Variants in LRRIQ3 observed in about 807,000 individuals in gnomAD.
The protein encoded by LRRIQ3 is leucine-rich repeat and IQ domain-containing protein 3.
Under a neutral mutation model 59.3 loss-of-function variants are expected in LRRIQ3, and 75 were observed. The ratio of observed to expected loss-of-function variants is 1.26; its 90% confidence interval spans 1.05 to 1.53. LRRIQ3 has a LOEUF of 1.53. Ranked by LOEUF, LRRIQ3 falls within the 40% of genes most tolerant of loss-of-function variation. The probability of loss-of-function intolerance (pLI) is 0.00; values close to 1 mark genes in which losing one functional copy is unlikely to be tolerated. For missense variants in LRRIQ3, 831 were observed against 710.0 expected, an observed-to-expected ratio of 1.17 and a Z score of -1.94; for synonymous variants, 250 against 231.3, an observed-to-expected ratio of 1.08 and a Z score of -0.73.
chr1:74,124,127 AC>A (rs1206190618), intron 4 of LRRIQ3, among the ~76,000 whole-genome samples: 7 of 151,932 alleles, frequency 4.6e-5, no homozygotes, highest in Non-Finnish European at 8.8e-5. Context: ...TATATTGAGC[AC>A]ATTTTCATAT....
intron 7 of LRRIQ3, among the ~76,000 whole-genome samples, chr1:74,028,207 C>T (rs1316716552): frequency 6.6e-6 from 1 of 151,782 alleles, no homozygotes; most frequent in East Asian, 1.9e-4. Flanking sequence ...CAAATTTAGG[C>T]CAGATCATAA....
intron 6 of LRRIQ3, among the ~76,000 whole-genome samples, chr1:74,068,991 A>G (rs1328410598): frequency 6.6e-6 from 1 of 152,044 alleles, no homozygotes; most frequent in African/African-American, 2.4e-5. Flanking sequence ...TTCAGATATA[A>G]GTGGATTTGG....
chr1:74,086,920 T>C (rs975420030), intron 5 of LRRIQ3, among the ~76,000 whole-genome samples: 2 of 152,098 alleles, frequency 1.3e-5, no homozygotes, highest in Non-Finnish European at 2.9e-5. Flanking sequence ...CACTATCTTG[T>C]CATCTGTAAC....
chr1:74,071,300 G>A (rs1655022401), intron 6 of LRRIQ3, among the ~76,000 whole-genome samples: 1 of 151,990 alleles, frequency 6.6e-6, no homozygotes, highest in African/African-American at 2.4e-5. Context: ...CCAAAACTCT[G>A]AGATTACAGG....
rs779222120 is a variant in LRRIQ3, at chr1:74,109,560, A to G, written c.708-7T>C. On this transcript the variant is annotated splice_region_variant and splice_polypyrimidine_tract_variant and intron_variant, in intron 4 of 7. Coordinates refer to ENST00000354431, the MANE Select transcript of LRRIQ3 (RefSeq NM_001105659.2). Reference sequence around the variant, plus strand: ...TTTGTGGAAAAACACAGGGCTGAATATAAGGGGAGGGGAAAACTATTTGTT... The same window carrying G: ...TTTGTGGAAAAACACAGGGCTGAATGTAAGGGGAGGGGAAAACTATTTGTT... 6.5e-7 allele frequency: 1 copy of G among 1,545,350 alleles called. No homozygotes were observed. Among genetic ancestry groups the G allele is most frequent in the Non-Finnish European group, 8.7e-7 (1 of 1,154,990 alleles).
intron 5 of LRRIQ3, among the ~76,000 whole-genome samples, chr1:74,092,488 C>T (rs1165249946): frequency 6.6e-6 from 1 of 152,030 alleles, no homozygotes; most frequent in African/African-American, 2.4e-5. Context: ...GGCTGAAGAG[C>T]TGGTGACCCT....
At chr1:74,105,533 G>A (rs1178028714) in intron 5 of LRRIQ3, among the ~76,000 whole-genome samples, 1 of 151,838 alleles carries the variant, frequency 6.6e-6, no homozygotes, top group Non-Finnish European at 1.5e-5. Flanking sequence ...GATTACAGAC[G>A]TGAGCCACCA....
chr1:74,149,937 C>T (rs1420083025), intron 4 of LRRIQ3, among the ~76,000 whole-genome samples: 1 of 152,152 alleles, frequency 6.6e-6, no homozygotes, highest in Non-Finnish European at 1.5e-5. Flanking sequence ...AGATAAAAGA[C>T]CCTATTTCTT....
chr1:74,054,245 C>G (rs1383235749), intron 6 of LRRIQ3, among the ~76,000 whole-genome samples: 1 of 151,492 alleles, frequency 6.6e-6, no homozygotes, highest in African/African-American at 2.4e-5. Flanking sequence ...AAAATAAATG[C>G]ATATTATTGA....
At chr1:74,032,254 A>C (rs926970843) in intron 7 of LRRIQ3, among the ~76,000 whole-genome samples, 2 of 152,100 alleles carry the variant, frequency 1.3e-5, no homozygotes, top group African/African-American at 4.8e-5. Flanking sequence ...AACCAATACA[A>C]TCTTGGGAAA....
chr1:74,177,476 C>G (rs1553174697), intron 3 of LRRIQ3, among the ~76,000 whole-genome samples: 3 of 151,924 alleles, frequency 2.0e-5, no homozygotes, highest in Non-Finnish European at 4.4e-5. Context: ...TCTGGGGAAC[C>G]CTGACTAATA....
chr1:74,155,628 T>C (rs1648272174), intron 4 of LRRIQ3, 105 bp downstream of exon 4: 3 of 983,832 alleles, frequency 3.0e-6, no homozygotes, highest in Non-Finnish European at 1.5e-6. Flanking sequence ...ACCATTTTAA[T>C]GATAGAGAAT....
intron 6 of LRRIQ3, among the ~76,000 whole-genome samples, chr1:74,055,324 A>C (rs1271467483): frequency 6.6e-6 from 1 of 151,830 alleles, no homozygotes; most frequent in African/African-American, 2.4e-5. Flanking sequence ...CCGTAGAAAG[A>C]AAGCAGGTAT....
chr1:74,179,291 A>G (rs1649837923), intron 3 of LRRIQ3, among the ~76,000 whole-genome samples: 1 of 152,056 alleles, frequency 6.6e-6, no homozygotes, highest in Non-Finnish European at 1.5e-5. Flanking sequence ...TTCTGACTCA[A>G]AAAATAAAGG....
intron 3 of LRRIQ3, among the ~76,000 whole-genome samples, chr1:74,166,967 G>T (rs1370470744): frequency 1.3e-5 from 2 of 151,906 alleles, no homozygotes; most frequent in Non-Finnish European, 2.9e-5. Context: ...TGGCGTGGAT[G>T]TGGTGAAAAG....
At chr1:74,093,366 C>T (rs1646414384) in intron 5 of LRRIQ3, among the ~76,000 whole-genome samples, 1 of 152,050 alleles carries the variant, frequency 6.6e-6, no homozygotes, top group African/African-American at 2.4e-5. Flanking sequence ...GTTTACTATT[C>T]CTATCAGACT....
chr1:74,076,030 C>T (rs999382068), intron 5 of LRRIQ3, among the ~76,000 whole-genome samples: 2 of 152,022 alleles, frequency 1.3e-5, no homozygotes, highest in Non-Finnish European at 2.9e-5. Context: ...TAAAGAATAA[C>T]GTATTTTGCT....
Position 74,170,919 on chromosome 1 carries a change from T to C in LRRIQ3, c.573+11619A>G, listed in dbSNP as rs1649284560. Among the ~76,000 whole-genome samples, 3 of 152,162 alleles carry C rather than the reference T, an allele frequency of 2.0e-5. No homozygotes were observed. The South Asian group carries it at 6.2e-4, about 31-fold the overall frequency. ...ATAGGTTTATTCCTATGTATTTTAT[T>C]CTTTCTGGTGCTATTTTAAATGAGA... On this transcript the variant is annotated intron_variant, in intron 3 of 7. Transcript: ENST00000354431.
At position 74,029,423 on chromosome 1, in the gene LRRIQ3, G is replaced by A. The variant is rs574895097; in HGVS notation, c.1719-2454C>T. Among the ~76,000 whole-genome samples, 506 of 152,088 alleles carry A rather than the reference G, an allele frequency of 3.3e-3. 2 individuals are homozygous for A. Among genetic ancestry groups the A allele is most frequent in the Non-Finnish European group, 6.2e-3 (423 of 67,974 alleles). On this transcript the variant is annotated intron_variant, in intron 7 of 7. Coordinates refer to ENST00000354431, the MANE Select transcript of LRRIQ3 (RefSeq NM_001105659.2). Reference sequence around the variant, plus strand: ...TTAGCATGAACAGCTCTTGAATTTTGTCAAAGGCCTTTTCTGCATCTATTG... The same window carrying A: ...TTAGCATGAACAGCTCTTGAATTTTATCAAAGGCCTTTTCTGCATCTATTG...
Sources: gnomAD v4.1 joint callset for allele counts (sites outside exome capture counted in the v4.1 genomes callset) on GRCh38, gnomAD v4.1.1 for gene constraint, MANE v1.5 for transcripts, NCBI Gene and HGNC (gene_info 2026-07-23, HGNC 2026-07-21) for gene names.